The following WARS1 variants were observed in gnomAD, a reference collection of about 807,000 sequenced individuals.
WARS1 encodes tryptophanyl-tRNA synthetase 1, also known as tryptophan--tRNA ligase, cytoplasmic.
Under a neutral mutation model 47.8 loss-of-function variants are expected in WARS1, and 17 were observed. That is an observed-to-expected ratio of 0.36 (90% CI 0.24 to 0.53). The LOEUF (loss-of-function observed/expected upper bound fraction) is 0.53, where lower values mean the gene tolerates loss of function less well. Among genes scored for constraint, WARS1 ranks in the 20% least tolerant of loss-of-function variants. The pLI is 0.91. For missense variants in WARS1, 434 were observed against 608.0 expected (o/e 0.71, Z 3.01); for synonymous variants, 208 against 228.1 (o/e 0.91, Z 0.79).
rs748258652 is a variant in WARS1 at position 100,337,163 on chromosome 14, C to G, written c.1153G>C (p.Glu385Gln). The G allele has an allele frequency of 6.2e-7, 1 of 1,614,190 alleles. No homozygotes were observed. The highest frequency in any genetic ancestry group is 1.1e-5 in the South Asian group (1 of 91,086). The change falls in exon 10 of 11, where the codon GAG becomes CAG. Residue 385 changes from glutamate (E) to glutamine (Q), a missense_variant. Physicochemically the swap from Glu to Gln is conservative, Grantham distance 29 (BLOSUM62 2). Coordinates refer to ENST00000392882, the MANE Select transcript of WARS1 (RefSeq NM_004184.4). ...TTGCCCCCAAACTGCCTGTGCTCCT[C>G]GATGGTGTCTCTCCCTCCAGAAAAC... ...HAFSGGRDTI[E>Q]EHRQFGGNCD...
At position 100,342,719 on chromosome 14, in the gene WARS1, T is replaced by C. The variant is rs564098723; in HGVS notation, c.940-148A>G. 71 of 752,484 alleles carry C rather than the reference T, an allele frequency of 9.4e-5. 1 individual carries two copies. The East Asian group carries it at 1.8e-3, about 20-fold the overall frequency. 46.6% of individuals were successfully genotyped at this position (752,484 alleles called of 1,614,324 possible). On this transcript the variant is annotated intron_variant, in intron 8 of 10. Coordinates refer to ENST00000392882, the MANE Select transcript of WARS1 (RefSeq NM_004184.4). Reference sequence around the variant, plus strand: ...CCTCCTCCCCTTCATCTTTTCCTTTTTTTTTTTTAAATTTTACTTCCAGTT... The same window carrying C: ...CCTCCTCCCCTTCATCTTTTCCTTTCTTTTTTTTAAATTTTACTTCCAGTT...
In WARS1 at chr14:100,368,942, CAA is replaced by C. The variant is rs1217022662; in HGVS notation, c.99+143_99+144del. The C allele has an allele frequency of 8.9e-6, 4 of 448,082 alleles. No individual in the cohort carries two copies. The East Asian group carries it at 1.5e-4, about 17-fold the overall frequency. 27.8% of individuals were successfully genotyped at this position (448,082 alleles called of 1,614,324 possible). On this transcript the variant is annotated intron_variant, in intron 2 of 10. Coordinates refer to ENST00000392882, the MANE Select transcript of WARS1 (RefSeq NM_004184.4). ...CACCATTGCACTCCAGCCTGGGAAACAAGAGTGAAATTCCCTCTCAAAAAATA... is the reference window on the plus strand; with the variant it reads ...CACCATTGCACTCCAGCCTGGGAAACGAGTGAAATTCCCTCTCAAAAAATA...
chr14:100,354,654 C>G (rs992063060), intron 4 of WARS1, 88 bp from the exon 5 acceptor site: 2 of 1,428,574 alleles, frequency 1.4e-6, no homozygotes, highest in African/African-American at 2.9e-5. Flanking sequence ...AAAATATAGA[C>G]AGAGACGAAA....
At chr14:100,367,315 T>C (rs1198001739) in intron 2 of WARS1, among the ~76,000 whole-genome samples, 1 of 151,440 alleles carries the variant, frequency 6.6e-6, no homozygotes, top group East Asian at 1.9e-4. Context: ...GCAGGCTGAG[T>C]GTGGTGGCTC....
chr14:100,354,407 C>A, intron 5 of WARS1, 40 bp downstream of exon 5: 1 of 1,599,104 alleles, frequency 6.3e-7, no homozygotes, highest in South Asian at 1.1e-5. Context: ...ATTCTCAATT[C>A]ACTAAGAGAG....
At chr14:100,349,306 C>T (rs989239304) in intron 6 of WARS1, among the ~76,000 whole-genome samples, 1 of 152,186 alleles carries the variant, frequency 6.6e-6, no homozygotes, top group African/African-American at 2.4e-5. Flanking sequence ...TGATTGATCA[C>T]CTGTTAGCTG....
chr14:100,337,698 A>AG (rs1893841540), intron 9 of WARS1, among the ~76,000 whole-genome samples: 1 of 150,870 alleles, frequency 6.6e-6, no homozygotes, highest in Non-Finnish European at 1.5e-5. Flanking sequence ...CAAAAAAAAA[A>AG]AAAAAAAGGA....
At chr14:100,345,085 C>T (rs1223138746) in intron 7 of WARS1, among the ~76,000 whole-genome samples, 1 of 143,776 alleles carries the variant, frequency 7.0e-6, no homozygotes, top group African/African-American at 2.6e-5. Flanking sequence ...CCGCCCCGTC[C>T]GGGAGGTGAG....
At chr14:100,352,534 G>A (rs114707083) in intron 6 of WARS1, among the ~76,000 whole-genome samples, 2 of 152,274 alleles carry the variant, frequency 1.3e-5, no homozygotes, top group African/African-American at 2.4e-5. Flanking sequence ...ATCCTGCCTC[G>A]GCATGGTCCC....
chr14:100,370,438 A>G (rs1473305233), intron 1 of WARS1: 1 of 152,232 alleles, frequency 6.6e-6, no homozygotes, highest in African/African-American at 2.4e-5. Context: ...AGATGTAACT[A>G]CGTTACGAGT....
chr14:100,361,687 G>A, intron 3 of WARS1, 21 bp downstream of exon 3: 1 of 1,603,326 alleles, frequency 6.2e-7, no homozygotes, highest in Non-Finnish European at 8.5e-7. Flanking sequence ...GCTTTTTCTG[G>A]GAAGAAAGCA....
chr14:100,356,526 T>C (rs1230468483), intron 4 of WARS1, among the ~76,000 whole-genome samples: 1 of 152,032 alleles, frequency 6.6e-6, no homozygotes, highest in Non-Finnish European at 1.5e-5. Context: ...AATAACTGTA[T>C]ACCAATACAT....
chr14:100,374,132 TTACCTTTCGA>T lies in WARS1; in HGVS notation c.-74+1141_-74+1150del, dbSNP rs1896502186. 6 of 152,360 alleles carry T rather than the reference TTACCTTTCGA, an allele frequency of 3.9e-5. No homozygotes were observed. The South Asian group carries it at 6.2e-4, about 16-fold the overall frequency. The allele number at this position is 152,360 out of a possible 1,614,324, so 9.4% of individuals were successfully genotyped here. On this transcript the variant is annotated intron_variant, in intron 1 of 10. Transcript: ENST00000392882. Reference sequence around the variant, plus strand: ...GGTTTTGAGCAGTCTCCTGGCTTTCTTACCTTTCGAAAGGAGGCTGAGATGCCAAAAGGTT... The same window carrying T: ...GGTTTTGAGCAGTCTCCTGGCTTTCTAAGGAGGCTGAGATGCCAAAAGGTT...
rs535655036 is a variant in WARS1, at chr14:100,342,889, C to T, written c.940-318G>A. ...CCTAATGCTCTCCCTCCCCTTGCCC[C>T]ACTCCCCAACTTTCTTTCCTTTTTT... On this transcript the variant is annotated intron_variant, in intron 8 of 10. Transcript: ENST00000392882. Among the ~76,000 whole-genome samples the T allele has an allele frequency of 2.0e-5, 3 of 152,184 alleles. No individual in the cohort carries two copies. In the East Asian group the frequency reaches 5.8e-4, roughly 29 times the overall value.
chr14:100,347,839 A>G (rs1894726846), intron 6 of WARS1, among the ~76,000 whole-genome samples: 1 of 152,210 alleles, frequency 6.6e-6, no homozygotes, highest in Non-Finnish European at 1.5e-5. Flanking sequence ...GGCCTCCCAA[A>G]GTGCTGGGAT....
At chr14:100,375,993 CCTCT>C, upstream of WARS1, 1 of 153,214 alleles carries the variant, frequency 6.5e-6, no homozygotes, top group South Asian at 2.1e-4. Flanking sequence ...AAAATGGGGG[CCTCT>C]CTCCTCGGGA....
At chr14:100,347,309 G>A (rs540539769) in intron 6 of WARS1, among the ~76,000 whole-genome samples, 1 of 152,254 alleles carries the variant, frequency 6.6e-6, no homozygotes, top group Non-Finnish European at 1.5e-5. Context: ...CCCACGGCCC[G>A]AGAAGGAGGA....
chr14:100,342,583 G>T lies in WARS1; in HGVS notation c.940-12C>A, dbSNP rs1894242737. ...CTAAAGTAAGGATCCTGTGGGGAGA[G>T]TAAGGACCCTGATGAGGGCGGCCAG... On this transcript the variant is annotated splice_polypyrimidine_tract_variant and intron_variant, in intron 8 of 10. Transcript: ENST00000392882. The T allele has an allele frequency of 4.4e-6, 7 of 1,602,420 alleles. No individual in the cohort carries two copies. In the African/African-American group the frequency reaches 5.4e-5, roughly 12 times the overall value.
At position 100,334,660 on chromosome 14, in the gene WARS1, C is replaced by T. The variant is rs1893585602; in HGVS notation, c.*215G>A. On this transcript the variant is annotated 3_prime_UTR_variant, in exon 11 of 11. Transcript: ENST00000392882. ...CTCTATCCGACCATGCAATGTTAGC[C>T]AGCACCAATTACCCACAATGCTTTG... is the stretch of plus-strand genomic sequence containing the variant. 4 of 495,938 alleles carry T rather than the reference C, an allele frequency of 8.1e-6. No homozygotes were observed. The highest frequency in any genetic ancestry group is 7.9e-5 in the East Asian group (2 of 25,448). The allele number at this position is 495,938 out of a possible 1,614,324, so 30.7% of individuals were successfully genotyped here.
Sources: gnomAD v4.1 joint callset for allele counts (sites outside exome capture counted in the v4.1 genomes callset) on GRCh38, gnomAD v4.1.1 for gene constraint, MANE v1.5 for transcripts, NCBI Gene and HGNC (gene_info 2026-07-23, HGNC 2026-07-21) for gene names.